The following ADCK5 variants were observed in gnomAD, a reference collection of about 807,000 sequenced individuals.
ADCK5 encodes uncharacterized aarF domain-containing protein kinase 5.
A neutral mutation model predicts 64.9 loss-of-function variants in ADCK5; 43 were observed. That is an observed-to-expected ratio of 0.66 (90% CI 0.52 to 0.85). The LOEUF (loss-of-function observed/expected upper bound fraction) is 0.85, where lower values mean the gene tolerates loss of function less well. Ranked by LOEUF, ADCK5 falls within the 40% of genes least tolerant of loss-of-function variation. The probability of loss-of-function intolerance (pLI) is 0.00; values close to 1 mark genes in which losing one functional copy is unlikely to be tolerated. For missense variants in ADCK5, 760 were observed against 810.5 expected, an observed-to-expected ratio of 0.94 and a Z score of 0.76; for synonymous variants, 434 against 342.8, an observed-to-expected ratio of 1.27 and a Z score of -2.94.
intron 1 of ADCK5, among the ~76,000 whole-genome samples, chr8:144,378,615 T>C (rs10111654): frequency 0.5 from 76,430 of 151,746 alleles, 19,897 homozygotes; most frequent in East Asian, 0.65. Context: ...TGCGGTGGCT[T>C]ACACCTGTAA....
chr8:144,377,417 G>A (rs1819408379), intron 1 of ADCK5: 1 of 152,006 alleles, frequency 6.6e-6, no homozygotes, highest in Non-Finnish European at 1.5e-5. Context: ...TCTCAATCTT[G>A]GCTCACTGCA....
rs782394528 is a variant in ADCK5 at position 144,392,927 on chromosome 8, C to G, written c.1637+35C>G. 2.5e-6 allele frequency: 4 copies of G among 1,588,590 alleles called. No individual in the cohort carries two copies. In the Admixed American group the frequency reaches 5.3e-5, roughly 21 times the overall value. ...CGCGGGGCAGGTGGGTGGCGGGGGC[C>G]TGCTCCCCACCCACCTGTGACCTGT... On this transcript the variant is annotated intron_variant, in intron 14 of 14. Transcript: ENST00000308860.
At chr8:144,373,712 G>A (rs1819246132), upstream of ADCK5, 2 of 237,746 alleles carry the variant, frequency 8.4e-6, no homozygotes, top group Non-Finnish European at 8.1e-6. Flanking sequence ...ATAGCACGGA[G>A]TGTTAAAGAG....
chr8:144,391,651 G>C lies in ADCK5; in HGVS notation c.870G>C (p.Arg290=). The stretch of plus-strand genomic sequence containing the variant: ...GCCGCAACGCAGAGCGCTGTGCGCG[G>C]GAGCTGGCGCACTTCCCCTACGTCG... ...NEGRNAERCA[R]ELAHFPYVVV... The change falls in exon 8 of 15, where the codon CGG becomes CGC. Residue 290 remains arginine (R), a synonymous_variant. Transcript: ENST00000308860. 1.3e-6 allele frequency: 2 copies of C among 1,548,162 alleles called. No homozygotes were observed. The highest frequency in any genetic ancestry group is 1.7e-6 in the Non-Finnish European group (2 of 1,150,996).
At chr8:144,378,666 G>C (rs1819473265) in intron 1 of ADCK5, among the ~76,000 whole-genome samples, 1 of 152,020 alleles carries the variant, frequency 6.6e-6, no homozygotes, top group African/African-American at 2.4e-5. Context: ...GATCACTTGA[G>C]GTCAGGAGTT....
intron 3 of ADCK5, among the ~76,000 whole-genome samples, chr8:144,390,259 T>C (rs1343867013): frequency 6.6e-6 from 1 of 152,254 alleles, no homozygotes; most frequent in African/African-American, 2.4e-5. Context: ...CCTGAGGAGC[T>C]GGGACCACAG....
intron 1 of ADCK5, among the ~76,000 whole-genome samples, chr8:144,378,352 T>C (rs1819457192): frequency 6.6e-6 from 1 of 152,136 alleles, no homozygotes; most frequent in African/African-American, 2.4e-5. Flanking sequence ...GATCTGGTCA[T>C]GGGGGCAGAT....
rs1211740533 is a variant in ADCK5 at position 144,392,691 on chromosome 8, C to G, written c.1514C>G (p.Ala505Gly). The G allele has an allele frequency of 5.0e-6, 8 of 1,594,842 alleles. No homozygotes were observed. The highest frequency in any genetic ancestry group is 6.0e-6 in the Non-Finnish European group (7 of 1,170,876). Residue 505 changes from alanine (A) to glycine (G), a missense_variant, in exon 13 of 15, where the codon GCT (alanine) becomes GGT (glycine). Around this residue, in one of 2 missense-constraint regions of ADCK5, gnomAD observed 333 missense variants for 292.0 expected, o/e 1.14. Coordinates refer to ENST00000308860, the MANE Select transcript of ADCK5 (RefSeq NM_174922.5). ...CCCGTGGACCGCTACTTCCTTATGG[C>G]TAAAAGGTCGGTGGCCCGAGGAGGC... is the stretch of plus-strand genomic sequence containing the variant. ...GAPVDRYFLM[A>G]KRAVRGWSRL...
In ADCK5 at chr8:144,392,006, C is replaced by G. The variant is rs1820264297; in HGVS notation, c.1080C>G (p.Asp360Glu). Reference sequence around the variant, plus strand: ...TTTACACCGGCTTCATCCACTCGGACCCACATCCTGGCAACGGTAGGAATT... The same window carrying G: ...TTTACACCGGCTTCATCCACTCGGAGCCACATCCTGGCAACGGTAGGAATT... ...QIFYTGFIHS[D>E]PHPGNVLVRK... The change falls in exon 10 of 15, where the codon GAC (aspartate) becomes GAG (glutamate). Residue 360 changes from aspartate (D) to glutamate (E), a missense_variant. By Grantham distance (45) the Asp-to-Glu change is conservative. Around this residue, in one of 2 missense-constraint regions of ADCK5, gnomAD observed 427 missense variants for 518.4 expected, o/e 0.82. Transcript: ENST00000308860. 1 of 1,612,774 alleles carries G rather than the reference C, an allele frequency of 6.2e-7. No individual in the cohort carries two copies. Among genetic ancestry groups the G allele is most frequent in the Non-Finnish European group, 8.5e-7 (1 of 1,179,976 alleles).
Position 144,392,860 on chromosome 8 carries a change from C to G in ADCK5, c.1605C>G (p.Val535=), listed in dbSNP as rs532639906. The G allele has an allele frequency of 1.3e-6, 2 of 1,599,846 alleles. No individual in the cohort carries two copies. The highest frequency in any genetic ancestry group is 2.2e-5 in the South Asian group (2 of 89,922). ...GTSLLRHAKV[V]WEMLKFEVAL... ...GCCTCCTGCGCCACGCCAAGGTCGT[C>G]TGGGAGATGCTCAAGTTTGAAGTGG... The change falls in exon 14 of 15, where the codon GTC becomes GTG. Residue 535 remains valine (V), a synonymous_variant. Coordinates refer to ENST00000308860, the MANE Select transcript of ADCK5 (RefSeq NM_174922.5).
At position 144,383,166 on chromosome 8, in the gene ADCK5, A is replaced by C; in HGVS notation, c.202A>C (p.Met68Leu). The C allele has an allele frequency of 6.2e-7, 1 of 1,600,280 alleles. No homozygotes were observed. Among genetic ancestry groups the C allele is most frequent in the Non-Finnish European group, 8.5e-7 (1 of 1,173,716 alleles). The part of the protein sequence containing the change: ...APLLLGARYV[M>L]AEAREKRRMR... ...CCTGCTCCTCGGAGCCCGCTATGTC[A>C]TGGCAGAGGCACGGGAGAAGAGGAG... The change falls in exon 3 of 15, where the codon ATG (methionine) becomes CTG (leucine). Residue 68 changes from methionine (M) to leucine (L), a missense_variant. Met to Leu is a conservative substitution (Grantham distance 15). This residue lies in a region of ADCK5 where 427 missense variants were observed against 518.4 expected (regional missense o/e 0.82). Transcript: ENST00000308860.
Position 144,374,084 on chromosome 8 carries a change from C to T in ADCK5, c.-12C>T. 1 of 1,247,880 alleles carries T rather than the reference C, an allele frequency of 8.0e-7. No individual in the cohort carries two copies. The highest frequency in any genetic ancestry group is 1.0e-6 in the Non-Finnish European group (1 of 988,768). The allele number at this position is 1,247,880 out of a possible 1,614,324, so 77.3% of individuals were successfully genotyped here. A position where few individuals can be genotyped will look rare whatever the true frequency, so the allele number is the denominator to read the frequency against. On this transcript the variant is annotated 5_prime_UTR_variant, in exon 1 of 15. Transcript: ENST00000308860. ...GGCGCCGGGCGGGAGAAGAGCGGAG[C>T]AGTGGTCGGAGATGTGGCGACCGGT...
intron 1 of ADCK5, chr8:144,375,620 G>C (rs1299234311): frequency 9.1e-6 from 9 of 985,356 alleles, no homozygotes; most frequent in African/African-American, 1.7e-5. Context: ...CTTTGGTTGT[G>C]AACTTCATGA....
chr8:144,392,334 T>TG lies in ADCK5; in HGVS notation c.1261dup (p.Val421GlyfsTer86). 1.4e-6 allele frequency: 2 copies of TG among 1,476,844 alleles called. No homozygotes were observed. Among genetic ancestry groups the TG allele is most frequent in the Non-Finnish European group, 1.8e-6 (2 of 1,115,098 alleles). 91.5% of individuals were successfully genotyped at this position (1,476,844 alleles called of 1,614,324 possible). On this transcript the variant is annotated frameshift_variant, in exon 12 of 15. Coordinates refer to ENST00000308860, the MANE Select transcript of ADCK5 (RefSeq NM_174922.5). LOFTEE classifies it high-confidence loss of function. Reference sequence around the variant, plus strand: ...GCCATGAGGGCGCACGCAGCCGCACTGGGGGTGCAAGGTGAGGGCGTGCGG... The same window carrying TG: ...GCCATGAGGGCGCACGCAGCCGCACTGGGGGGTGCAAGGTGAGGGCGTGCGG...
rs1173795739 is a variant in ADCK5 at position 144,375,742 on chromosome 8, A to G, written c.12+1635A>G. On this transcript the variant is annotated intron_variant, in intron 1 of 14. Coordinates refer to ENST00000308860, the MANE Select transcript of ADCK5 (RefSeq NM_174922.5). The stretch of plus-strand genomic sequence containing the variant: ...TTCCGTTTGTGCAGACAGACTGCAC[A>G]CACTCACCATAAGAAAGCATGAGAG... 4 of 803,068 alleles carry G rather than the reference A, an allele frequency of 5.0e-6. No individual in the cohort carries two copies. In the South Asian group the frequency reaches 2.3e-4, roughly 46 times the overall value. 49.7% of individuals were successfully genotyped at this position (803,068 alleles called of 1,614,324 possible). A position where few individuals can be genotyped will look rare whatever the true frequency, so the allele number is the denominator to read the frequency against.
intron 3 of ADCK5, among the ~76,000 whole-genome samples, chr8:144,389,062 G>A (rs542398451): frequency 1.3e-5 from 2 of 152,168 alleles, no homozygotes; most frequent in Admixed American, 6.5e-5. Context: ...GCTGCCTGGC[G>A]CCTCATTCCA....
At chr8:144,388,906 C>G (rs1820070804) in intron 3 of ADCK5, among the ~76,000 whole-genome samples, 1 of 152,222 alleles carries the variant, frequency 6.6e-6, no homozygotes, top group Non-Finnish European at 1.5e-5. Context: ...AGCGCCAGAG[C>G]TGCGCTTCAG....
At chr8:144,388,858 G>A (rs550649552) in intron 3 of ADCK5, among the ~76,000 whole-genome samples, 1 of 152,356 alleles carries the variant, frequency 6.6e-6, no homozygotes, top group South Asian at 2.1e-4. Flanking sequence ...ATGGCCGGGG[G>A]GTCGCCCTGG....
chr8:144,392,262 C>G lies in ADCK5; in HGVS notation c.1184C>G (p.Ala395Gly). Residue 395 changes from alanine (A) to glycine (G), a missense_variant, in exon 12 of 15, where the codon GCA becomes GGA. Coordinates refer to ENST00000308860, the MANE Select transcript of ADCK5 (RefSeq NM_174922.5). ...LYQFLEEKDR[A>G]ALCQLWRAII... ...GGCCCATCCACACCCAGGGACCGCG[C>G]AGCCCTCTGCCAGCTGTGGCGGGCC... 6.5e-7 allele frequency: 1 copy of G among 1,530,484 alleles called. No individual in the cohort carries two copies. The highest frequency in any genetic ancestry group is 1.2e-5 in the South Asian group (1 of 83,494). 94.8% of individuals were successfully genotyped at this position (1,530,484 alleles called of 1,614,324 possible). A position where few individuals can be genotyped will look rare whatever the true frequency, so the allele number is the denominator to read the frequency against.
Sources: allele counts gnomAD v4.1 joint callset (sites outside exome capture counted in the v4.1 genomes callset), GRCh38; gene constraint gnomAD v4.1.1; regional missense constraint gnomAD v4.1.1; transcripts MANE v1.5; gene names NCBI Gene and HGNC (gene_info 2026-07-23, HGNC 2026-07-21).